AZIN2: variants seen among roughly 807,000 people sequenced by gnomAD.
AZIN2 encodes the protein antizyme inhibitor 2.
AZIN2 carries 28 observed loss-of-function variants against 47.8 expected under a neutral mutation model. The ratio of observed to expected loss-of-function variants is 0.59; its 90% confidence interval spans 0.43 to 0.80. The LOEUF is 0.80. AZIN2 is among the 30% of genes least tolerant of loss of function. AZIN2 has a pLI of 0.00. For missense variants in AZIN2, 535 were observed against 582.5 expected (o/e 0.92, Z 0.84); for synonymous variants, 221 against 239.4 (o/e 0.92, Z 0.71).
intron 5 of AZIN2, among the ~76,000 whole-genome samples, chr1:33,084,599 A>C (rs148367165): frequency 0.027 from 4,070 of 151,392 alleles, 178 homozygotes; most frequent in African/African-American, 0.093. Context: ...CTTTAGATTT[A>C]TTTTTTTCAT....
At chr1:33,097,140 T>C (rs1279035635) in intron 9 of AZIN2, among the ~76,000 whole-genome samples, 1 of 152,134 alleles carries the variant, frequency 6.6e-6, no homozygotes, top group Non-Finnish European at 1.5e-5. Flanking sequence ...ATTTTACAGA[T>C]GAGGAAACCG....
At chr1:33,118,354 T>C (rs1346444424) in intron 11 of AZIN2, 3 of 414,532 alleles carry the variant, frequency 7.2e-6, no homozygotes, top group East Asian at 3.9e-5. Flanking sequence ...CTTGTGATAA[T>C]ACTGTGCCTG....
At chr1:33,155,366 C>T in the AZIN2 span, among the ~76,000 whole-genome samples, 6,238 of 152,052 alleles carry the variant, frequency 0.041, 292 homozygotes, top group African/African-American at 0.11. Context: ...CCACCATGCC[C>T]GGCCTCCCCT....
chr1:33,142,600 T>TAA, the AZIN2 span: 1 of 152,366 alleles, frequency 6.6e-6, no homozygotes, highest in South Asian at 2.1e-4. Flanking sequence ...GGGGCCTTTC[T>TAA]AACTCCACCT....
chr1:33,157,479 C>T, the AZIN2 span, among the ~76,000 whole-genome samples: 5 of 152,176 alleles, frequency 3.3e-5, no homozygotes, highest in Admixed American at 2.6e-4. Flanking sequence ...TCTCACCTTT[C>T]CCAGCCCCCT....
chr1:33,101,609 T>G (rs545197330), intron 10 of AZIN2, among the ~76,000 whole-genome samples: 42 of 152,142 alleles, frequency 2.8e-4, no homozygotes, highest in South Asian at 1.4e-3. Flanking sequence ...CCTTTTAGAG[T>G]AATAAGCATC....
At chr1:33,148,487 T>A in the AZIN2 span, among the ~76,000 whole-genome samples, 3 of 152,158 alleles carry the variant, frequency 2.0e-5, no homozygotes, top group Admixed American at 6.5e-5. Flanking sequence ...CACCACTGAC[T>A]GAGACAACCT....
chr1:33,130,469 C>T, the AZIN2 span, among the ~76,000 whole-genome samples: 2 of 152,178 alleles, frequency 1.3e-5, no homozygotes, highest in Admixed American at 1.3e-4. Flanking sequence ...GTGGGTAGGT[C>T]TATGTGTCAA....
chr1:33,147,178 T>C, the AZIN2 span: 4 of 1,613,206 alleles, frequency 2.5e-6, no homozygotes, highest in Non-Finnish European at 3.4e-6. This position sits in a 1 kb window ranked among gnomAD's most constrained non-coding sequence, Gnocchi z 8.1. Context: ...CTGCCTGGAC[T>C]AGATGCGGAC....
chr1:33,093,532 C>A, intron 7 of AZIN2, 116 bp downstream of exon 7: 1 of 1,311,014 alleles, frequency 7.6e-7, no homozygotes. Flanking sequence ...TGTCCCTGGG[C>A]CTGGAATTCT....
Position 33,081,781 on chromosome 1 carries a change from A to G in AZIN2, c.-104A>G. 4.1e-6 allele frequency: 1 copy of G among 241,392 alleles called. No homozygotes were observed. The highest frequency in any genetic ancestry group is 8.2e-6 in the Non-Finnish European group (1 of 121,356). 15.0% of individuals were successfully genotyped at this position (241,392 alleles called of 1,614,324 possible). ...CTTAAGCTCTTGCTCTTAGGCTGAG[A>G]CGCCTTGATGTGGCCACCGGCTACC... is the stretch of plus-strand genomic sequence containing the variant. On this transcript the variant is annotated 5_prime_UTR_variant, in exon 3 of 12. Coordinates refer to ENST00000294517, the MANE Select transcript of AZIN2 (RefSeq NM_052998.4). The surrounding 1 kb of genome is among the most constrained non-coding windows in gnomAD (Gnocchi z 4.2).
At chr1:33,100,785 C>A (rs1005783581) in intron 10 of AZIN2, among the ~76,000 whole-genome samples, 3 of 152,090 alleles carry the variant, frequency 2.0e-5, no homozygotes, top group African/African-American at 7.2e-5. Flanking sequence ...CCAACTGTCT[C>A]ATAATGGTTT....
chr1:33,126,611 G>A (rs2124687293), downstream of AZIN2, among the ~76,000 whole-genome samples: 1 of 152,208 alleles, frequency 6.6e-6, no homozygotes, highest in South Asian at 2.1e-4. Context: ...GAAGACCATT[G>A]ACTGGCATGA....
At chr1:33,082,493 A>C (rs1641394606) in intron 4 of AZIN2, 139 bp downstream of exon 4, 1 of 614,030 alleles carries the variant, frequency 1.6e-6, no homozygotes, top group Non-Finnish European at 2.8e-6. Context: ...AGAGGGGCTC[A>C]ATTTATCCCC....
chr1:33,139,059 A>G, the AZIN2 span, among the ~76,000 whole-genome samples: 12 of 152,246 alleles, frequency 7.9e-5, no homozygotes, highest in African/African-American at 2.7e-4. Flanking sequence ...CTGGGGAAGA[A>G]GGAGAATGAG....
the AZIN2 span, among the ~76,000 whole-genome samples, chr1:33,160,240 C>A: frequency 6.6e-6 from 1 of 152,018 alleles, no homozygotes; most frequent in East Asian, 1.9e-4. Flanking sequence ...GCCTCTTTGA[C>A]CCTGCTGTGT....
Position 33,103,917 on chromosome 1 carries a change from C to T in AZIN2, c.1029+5738C>T, listed in dbSNP as rs187331033. 1.3e-3 allele frequency among the ~76,000 whole-genome samples: 196 copies of T among 150,234 alleles called. 2 individuals are homozygous for T. The highest frequency in any genetic ancestry group is 4.5e-3 in the African/African-American group (185 of 40,816). Reference sequence around the variant, plus strand: ...TTTTTTTTTGAGATGGAGTCTCACTCTGTCACCCAGGCTGGAGTGCAGTGC... The same window carrying T: ...TTTTTTTTTGAGATGGAGTCTCACTTTGTCACCCAGGCTGGAGTGCAGTGC... On this transcript the variant is annotated intron_variant, in intron 10 of 11. Transcript: ENST00000294517.
At chr1:33,158,504 G>A in the AZIN2 span, 5 of 648,830 alleles carry the variant, frequency 7.7e-6, no homozygotes, top group South Asian at 3.5e-5. Flanking sequence ...TCAGATTCAA[G>A]TGCCTGCTTG....
At chr1:33,093,002 A>C (rs1386322542) in intron 6 of AZIN2, among the ~76,000 whole-genome samples, 1 of 152,208 alleles carries the variant, frequency 6.6e-6, no homozygotes, top group African/African-American at 2.4e-5. Context: ...TGAAAGCTCT[A>C]ACTGGTGTGG....
Sources: gnomAD v4.1 joint callset for allele counts (sites outside exome capture counted in the v4.1 genomes callset) on GRCh38, gnomAD v4.1.1 for gene constraint, Gnocchi (gnomAD v3.1) non-coding constraint, MANE v1.5 for transcripts, NCBI Gene and HGNC (gene_info 2026-07-23, HGNC 2026-07-21) for gene names.